Variants in SDC2 observed in about 807,000 individuals in gnomAD.
SDC2 encodes syndecan-2.
SDC2 carries 13 observed loss-of-function variants against 22.2 expected under a neutral mutation model. The ratio of observed to expected loss-of-function variants is 0.59; its 90% CI spans 0.38 to 0.93. SDC2 has a LOEUF of 0.93. Among genes scored for constraint, SDC2 ranks in the 40% least tolerant of loss-of-function variants. The pLI is 0.00. For missense variants in SDC2, 235 were observed against 246.8 expected (o/e 0.95, Z 0.32); for synonymous variants, 94 against 92.8 (o/e 1.01, Z -0.07).
At chr8:96,576,436 T>TTTTTTTTC (rs1814503678) in intron 1 of SDC2, among the ~76,000 whole-genome samples, 1 of 66,668 alleles carries the variant, frequency 1.5e-5, no homozygotes, top group Non-Finnish European at 3.5e-5. Context: ...TTTTTTTTTT[T>TTTTTTTTC]TGAGACGGAG....
intron 1 of SDC2, among the ~76,000 whole-genome samples, chr8:96,553,496 T>G (rs1814059636): frequency 6.6e-6 from 1 of 151,914 alleles, no homozygotes; most frequent in Non-Finnish European, 1.5e-5. Context: ...TTGATTGCTT[T>G]AATATCTTCC....
chr8:96,570,419 T>G (rs1326589757), intron 1 of SDC2, among the ~76,000 whole-genome samples: 5 of 152,196 alleles, frequency 3.3e-5, no homozygotes, highest in African/African-American at 1.2e-4. Flanking sequence ...TGTGCTTGGC[T>G]TAGAGCAGGC....
chr8:96,510,327 T>C (rs1248630697), intron 1 of SDC2, among the ~76,000 whole-genome samples: 1 of 152,216 alleles, frequency 6.6e-6, no homozygotes, highest in African/African-American at 2.4e-5. Context: ...TCCATGGAGC[T>C]GTATTGTTTG....
intron 1 of SDC2, among the ~76,000 whole-genome samples, chr8:96,564,491 A>G (rs1350566383): frequency 1.3e-5 from 2 of 152,154 alleles, no homozygotes; most frequent in Non-Finnish European, 2.9e-5. Context: ...GCTGGTGTAG[A>G]ATGCAGGCCT....
chr8:96,541,836 A>T (rs2130514286), intron 1 of SDC2, among the ~76,000 whole-genome samples: 1 of 152,318 alleles, frequency 6.6e-6, no homozygotes, highest in Middle Eastern at 3.4e-3. Context: ...AAAATGGTTA[A>T]GAGGGCAAAT....
At chr8:96,495,094 C>T (rs1030588736) in intron 1 of SDC2, among the ~76,000 whole-genome samples, 1 of 152,118 alleles carries the variant, frequency 6.6e-6, no homozygotes, top group Non-Finnish European at 1.5e-5. Context: ...AGGACATTTT[C>T]ATAGGAGTTA....
At chr8:96,541,287 G>A (rs1201682968) in intron 1 of SDC2, among the ~76,000 whole-genome samples, 2 of 151,826 alleles carry the variant, frequency 1.3e-5, no homozygotes, top group Non-Finnish European at 2.9e-5. Context: ...AATTAGCTGG[G>A]TGTGGTGGTG....
rs1813012525 is a variant in SDC2, at chr8:96,494,310, G to A, written c.39G>A (p.Val13=). 1.9e-6 allele frequency: 3 copies of A among 1,546,042 alleles called. No individual in the cohort carries two copies. Among genetic ancestry groups the A allele is most frequent in the Non-Finnish European group, 2.6e-6 (3 of 1,149,610 alleles). Reference sequence around the variant, plus strand: ...GGATCCTGCTCACCTTGGGCTTGGTGGCCTGCGTGTCGGCGGAGTCGGTGA... The same window carrying A: ...GGATCCTGCTCACCTTGGGCTTGGTAGCCTGCGTGTCGGCGGAGTCGGTGA... ...RAWILLTLGL[V]ACVSAESRAE... is the part of the protein sequence containing the mutation. The change falls in exon 1 of 5, where the codon GTG becomes GTA. Residue 13 remains valine, a synonymous_variant. Coordinates refer to ENST00000302190, the MANE Select transcript of SDC2 (RefSeq NM_002998.4).
intron 1 of SDC2, among the ~76,000 whole-genome samples, chr8:96,549,490 T>C (rs1813991024): frequency 6.6e-6 from 1 of 152,202 alleles, no homozygotes; most frequent in Admixed American, 6.5e-5. Context: ...GCAGCTCTTT[T>C]GGAAATGAGC....
rs1815151523 is a variant in SDC2 at position 96,610,096 on chromosome 8, T to C, written c.*548T>C. 1 of 152,666 alleles carries C rather than the reference T, an allele frequency of 6.6e-6. No homozygotes were observed. Among genetic ancestry groups the C allele is most frequent in the African/African-American group, 2.4e-5 (1 of 41,464 alleles). The allele number at this position is 152,666 out of a possible 1,614,324, so 9.5% of individuals were successfully genotyped here. ...AATATGTAAACTTTAACTTCCACTT[T>C]GTATAAATTTTTAAGTGTCAGACTA... On this transcript the variant is annotated 3_prime_UTR_variant, in exon 5 of 5. Transcript: ENST00000302190.
intron 1 of SDC2, among the ~76,000 whole-genome samples, chr8:96,578,705 G>A (rs146205090): frequency 1.4e-4 from 21 of 152,296 alleles, no homozygotes; most frequent in African/African-American, 4.8e-4. Context: ...AGCCCCAGGC[G>A]GCATGGCTTG....
chr8:96,607,716 G>A (rs181830688), intron 3 of SDC2, among the ~76,000 whole-genome samples: 5 of 152,222 alleles, frequency 3.3e-5, no homozygotes, highest in Admixed American at 6.5e-5. Context: ...AGACAGGTGA[G>A]GAAATCAAGG....
chr8:96,584,446 T>C (rs1019515491), intron 1 of SDC2, among the ~76,000 whole-genome samples: 1 of 152,254 alleles, frequency 6.6e-6, no homozygotes, highest in African/African-American at 2.4e-5. Flanking sequence ...CCAGAGCCTG[T>C]TGGCTTCCTG....
chr8:96,567,459 A>AGTG (rs1814318768), intron 1 of SDC2, among the ~76,000 whole-genome samples: 1 of 152,226 alleles, frequency 6.6e-6, no homozygotes, highest in Admixed American at 6.5e-5. Context: ...TCACCTGAAT[A>AGTG]GTGTCCATTG....
chr8:96,609,295 A>G, intron 4 of SDC2, 90 bp from the exon 5 acceptor site: 1 of 1,064,782 alleles, frequency 9.4e-7, no homozygotes, highest in East Asian at 2.7e-5. Context: ...AGCCTTTTAT[A>G]AAAGTGTAAG....
chr8:96,579,731 T>C (rs1814559789), intron 1 of SDC2, among the ~76,000 whole-genome samples: 1 of 152,252 alleles, frequency 6.6e-6, no homozygotes, highest in South Asian at 2.1e-4. Flanking sequence ...TATTTAACAA[T>C]TATTGAATTT....
chr8:96,546,833 C>T (rs1444736750), intron 1 of SDC2, among the ~76,000 whole-genome samples: 1 of 152,214 alleles, frequency 6.6e-6, no homozygotes, highest in Non-Finnish European at 1.5e-5. Flanking sequence ...GCACTCTAAC[C>T]ATGCTTCAGT....
intron 1 of SDC2, among the ~76,000 whole-genome samples, chr8:96,534,599 T>A (rs562726911): frequency 6.6e-6 from 1 of 152,112 alleles, no homozygotes; most frequent in Admixed American, 6.5e-5. Context: ...CATACCTGGC[T>A]ATTTTTTTTT....
chr8:96,583,707 G>A (rs1177912605), intron 1 of SDC2, among the ~76,000 whole-genome samples: 1 of 131,828 alleles, frequency 7.6e-6, no homozygotes, highest in Admixed American at 7.7e-5. Context: ...GTGTGTGTGT[G>A]TGTGTGTGTG....
Sources: gnomAD v4.1 joint callset for allele counts (sites outside exome capture counted in the v4.1 genomes callset) on GRCh38, gnomAD v4.1.1 for gene constraint, MANE v1.5 for transcripts, NCBI Gene and HGNC (gene_info 2026-07-23, HGNC 2026-07-21) for gene names.